CRB1: variants seen among roughly 807,000 people sequenced by gnomAD.
CRB1 encodes the protein crumbs cell polarity complex component 1, also known as protein crumbs homolog 1.
A neutral mutation model predicts 120.0 loss-of-function variants in CRB1; 83 were observed. The ratio of observed to expected loss-of-function variants is 0.69; its 90% CI spans 0.58 to 0.83. The LOEUF (loss-of-function observed/expected upper bound fraction) is 0.83, where lower values mean the gene tolerates loss of function less well. CRB1 is among the 40% of genes least tolerant of loss of function. The pLI, the probability that CRB1 is intolerant of heterozygous loss-of-function variation, is 0.00. For synonymous variants in CRB1, 625 were observed against 612.5 expected, an observed-to-expected ratio of 1.02 and a Z score of -0.30; for missense variants, 1,699 against 1,687.6, an observed-to-expected ratio of 1.01 and a Z score of -0.12.
At chr1:197,429,110 T>C (rs1384187155) in intron 7 of CRB1, 1 of 1,525,632 alleles carries the variant, frequency 6.6e-7, no homozygotes, top group South Asian at 1.2e-5. Context: ...AAACCAGGAG[T>C]AAGAATCCCT....
chr1:197,212,611 TA>T, the CRB1 span, among the ~76,000 whole-genome samples: 2 of 151,902 alleles, frequency 1.3e-5, no homozygotes, highest in Admixed American at 1.3e-4. Flanking sequence ...GGAACAAGGG[TA>T]GGGGAAGTGT....
At chr1:197,224,561 G>T in the CRB1 span, among the ~76,000 whole-genome samples, 32 of 152,008 alleles carry the variant, frequency 2.1e-4, no homozygotes, top group Non-Finnish European at 3.8e-4. Flanking sequence ...AGGAATATGG[G>T]CTTTATTCCA....
the CRB1 span, among the ~76,000 whole-genome samples, chr1:197,221,436 A>C: frequency 1.3e-5 from 2 of 152,344 alleles, no homozygotes; most frequent in South Asian, 2.1e-4. Context: ...TGTTAGTATT[A>C]GCTTTTATGC....
At chr1:197,320,535 G>T (rs937997097) in intron 1 of CRB1, among the ~76,000 whole-genome samples, 4 of 152,182 alleles carry the variant, frequency 2.6e-5, no homozygotes, top group African/African-American at 7.2e-5. Context: ...ATAAGTGAAA[G>T]ATCAAGGGGA....
At chr1:197,225,091 T>G in the CRB1 span, among the ~76,000 whole-genome samples, 5 of 152,212 alleles carry the variant, frequency 3.3e-5, no homozygotes, top group South Asian at 1.0e-3. Flanking sequence ...AACAAATAGG[T>G]ATCATTTTCT....
At chr1:197,202,962 GGTGTGTGTGTGT>G in the CRB1 span, among the ~76,000 whole-genome samples, 1 of 147,534 alleles carries the variant, frequency 6.8e-6, no homozygotes, top group Non-Finnish European at 1.5e-5. Context: ...ATGTCTTTGT[GGTGTGTGTGTGT>G]GTGTGTGTCT....
Position 197,274,594 on chromosome 1 carries a change from T to C in CRB1, c.70+6112T>C, listed in dbSNP as rs747139745. ...CTAAAAGTCCCCTGTGCCTCTTCTC[T>C]ACACCCTTGATTCTCTGGAAGCCAC... On this transcript the variant is annotated intron_variant, in intron 1 of 11. Coordinates refer to ENST00000367400, the MANE Select transcript of CRB1 (RefSeq NM_201253.3). Among the ~76,000 whole-genome samples, 33 of 152,320 alleles carry C rather than the reference T, an allele frequency of 2.2e-4. 1 individual carries two copies. The highest frequency in any genetic ancestry group is 3.4e-3 in the Middle Eastern group (1 of 294).
At chr1:197,268,225 A>G (rs1337523399), upstream of CRB1, 2 of 590,784 alleles carry the variant, frequency 3.4e-6, no homozygotes, top group Non-Finnish European at 6.1e-6. Flanking sequence ...AGTGATGCTA[A>G]GAAGCACAAA....
chr1:197,234,493 C>T, the CRB1 span, among the ~76,000 whole-genome samples: 2 of 152,318 alleles, frequency 1.3e-5, no homozygotes, highest in Admixed American at 6.5e-5. Flanking sequence ...TGACTACAAC[C>T]TCTTGAAAGA....
chr1:197,215,864 C>T, the CRB1 span, among the ~76,000 whole-genome samples: 1 of 152,146 alleles, frequency 6.6e-6, no homozygotes, highest in Non-Finnish European at 1.5e-5. Context: ...TCCAGTCATA[C>T]ATCATTTATA....
At chr1:197,345,839 A>G (rs1372381355) in intron 3 of CRB1, among the ~76,000 whole-genome samples, 1 of 152,130 alleles carries the variant, frequency 6.6e-6, no homozygotes, top group African/African-American at 2.4e-5. Flanking sequence ...GTGGTTGTAC[A>G]TTCTTTTTAA....
chr1:197,434,493 ACTT>A (rs1423891282), intron 8 of CRB1, among the ~76,000 whole-genome samples: 7 of 152,140 alleles, frequency 4.6e-5, no homozygotes, highest in Non-Finnish European at 1.0e-4. Flanking sequence ...GTGAGTCTCA[ACTT>A]CTTCTTCCAT....
chr1:197,268,500 T>C lies in CRB1; in HGVS notation c.70+18T>C, dbSNP rs774025152. ...CATAAAAAGTAAGCCTTTCCCACTTTGGGCATTTTTCCTGGTTTATTTCTG... is the reference window on the plus strand; with the variant it reads ...CATAAAAAGTAAGCCTTTCCCACTTCGGGCATTTTTCCTGGTTTATTTCTG... On this transcript the variant is annotated intron_variant, in intron 1 of 11. Coordinates refer to ENST00000367400, the MANE Select transcript of CRB1 (RefSeq NM_201253.3). The C allele has an allele frequency of 5.7e-6, 9 of 1,576,664 alleles. No individual in the cohort carries two copies. The East Asian group carries it at 1.1e-4, about 20-fold the overall frequency.
intron 11 of CRB1, chr1:197,444,470 A>G (rs958567610): frequency 2.6e-5 from 4 of 152,240 alleles, no homozygotes; most frequent in Non-Finnish European, 2.9e-5. Flanking sequence ...AGTATTTGCA[A>G]TAAGCATAAA....
the CRB1 span, among the ~76,000 whole-genome samples, chr1:197,212,755 G>C: frequency 1.3e-5 from 2 of 152,020 alleles, no homozygotes; most frequent in African/African-American, 4.8e-5. Context: ...TGTATGACAA[G>C]CCTAAATAAA....
chr1:197,354,704 CA>C (rs1660339989), intron 4 of CRB1, among the ~76,000 whole-genome samples: 1 of 151,226 alleles, frequency 6.6e-6, no homozygotes, highest in Non-Finnish European at 1.5e-5. Context: ...TGGGCAACAG[CA>C]AGAGTTATTT....
chr1:197,344,612 A>G (rs1158476098), intron 3 of CRB1, 136 bp downstream of exon 3: 6 of 781,422 alleles, frequency 7.7e-6, no homozygotes, highest in South Asian at 3.1e-5. Flanking sequence ...ACTGATGAAA[A>G]CATTCAGATT....
intron 7 of CRB1, among the ~76,000 whole-genome samples, chr1:197,428,591 C>T (rs1571542248): frequency 6.6e-6 from 1 of 152,302 alleles, no homozygotes. Flanking sequence ...AAACGCATTT[C>T]TGTGTGTTGA....
intron 5 of CRB1, among the ~76,000 whole-genome samples, chr1:197,412,463 T>C (rs1382689161): frequency 6.6e-6 from 1 of 151,690 alleles, no homozygotes; most frequent in African/African-American, 2.4e-5. Flanking sequence ...AAAGCTCCGA[T>C]TAATATAAAA....
Sources: gnomAD v4.1 joint callset for allele counts (sites outside exome capture counted in the v4.1 genomes callset) on GRCh38, gnomAD v4.1.1 for gene constraint, MANE v1.5 for transcripts, NCBI Gene and HGNC (gene_info 2026-07-23, HGNC 2026-07-21) for gene names.